The following MACROD2 variants were observed in gnomAD, a reference collection of about 807,000 sequenced individuals.
The protein encoded by MACROD2 is mono-ADP ribosylhydrolase 2, also known as ADP-ribose glycohydrolase MACROD2.
Under a neutral mutation model 70.4 loss-of-function variants are expected in MACROD2, and 36 were observed. That is an observed-to-expected ratio of 0.51 (90% CI 0.39 to 0.68). The LOEUF (loss-of-function observed/expected upper bound fraction) is 0.68, where lower values mean the gene tolerates loss of function less well. MACROD2 is among the 30% of genes least tolerant of loss of function. MACROD2 has a pLI of 0.00. For missense variants in MACROD2, 496 were observed against 538.4 expected, an observed-to-expected ratio of 0.92 and a Z score of 0.78; for synonymous variants, 172 against 178.8, an observed-to-expected ratio of 0.96 and a Z score of 0.30.
At chr20:15,071,148 T>C (rs1280050988) in intron 5 of MACROD2, among the ~76,000 whole-genome samples, 1 of 152,192 alleles carries the variant, frequency 6.6e-6, no homozygotes, top group Non-Finnish European at 1.5e-5. Context: ...GTGGAAGTTT[T>C]GTACAGTTGT....
At chr20:15,302,641 C>G (rs2077658294) in intron 6 of MACROD2, among the ~76,000 whole-genome samples, 1 of 152,030 alleles carries the variant, frequency 6.6e-6, no homozygotes, top group Non-Finnish European at 1.5e-5. Context: ...GGATAAATCC[C>G]CAGTTGGGGG....
chr20:15,809,623 C>A (rs879945540), intron 8 of MACROD2, among the ~76,000 whole-genome samples: 3 of 152,158 alleles, frequency 2.0e-5, no homozygotes, highest in Non-Finnish European at 2.9e-5. Flanking sequence ...CCAGTTGTTA[C>A]AATGAGAATG....
At chr20:15,718,754 AC>A (rs1413333971) in intron 8 of MACROD2, among the ~76,000 whole-genome samples, 3 of 152,204 alleles carry the variant, frequency 2.0e-5, no homozygotes, top group Non-Finnish European at 4.4e-5. Flanking sequence ...GGGAAGTTAT[AC>A]CCCCTAACGA....
chr20:15,907,576 T>C (rs1359139634), intron 10 of MACROD2, among the ~76,000 whole-genome samples: 1 of 152,258 alleles, frequency 6.6e-6, no homozygotes, highest in Non-Finnish European at 1.5e-5. Flanking sequence ...TGCCCTTGAA[T>C]TGTTTATGCA....
chr20:14,716,061 TATA>T (rs1488727335), intron 5 of MACROD2, among the ~76,000 whole-genome samples: 1 of 152,192 alleles, frequency 6.6e-6, no homozygotes, highest in Non-Finnish European at 1.5e-5. Flanking sequence ...TTCATGCAAT[TATA>T]ATTCTTTCTG....
chr20:14,518,144 T>C lies in MACROD2; in HGVS notation c.301+24636T>C, dbSNP rs973510347. On this transcript the variant is annotated intron_variant, in intron 4 of 17. Transcript: ENST00000684519. ...AAATAAAGATATTATACCTCCATTA[T>C]GAAATTAATTTTTACATGTTTTATA... 2.0e-5 allele frequency among the ~76,000 whole-genome samples: 3 copies of C among 152,260 alleles called. 1 individual carries two copies. In the South Asian group the frequency reaches 6.2e-4, roughly 32 times the overall value.
chr20:15,371,270 A>T (rs564829589), intron 6 of MACROD2, among the ~76,000 whole-genome samples: 3 of 152,256 alleles, frequency 2.0e-5, no homozygotes, highest in Admixed American at 6.5e-5. Context: ...TCAGTATAAG[A>T]TATTAAAATA....
At chr20:14,418,567 A>T (rs967318957) in intron 3 of MACROD2, among the ~76,000 whole-genome samples, 1 of 152,232 alleles carries the variant, frequency 6.6e-6, no homozygotes, top group Non-Finnish European at 1.5e-5. Context: ...CAACATTGTT[A>T]CTCAGTTCAT....
At position 14,389,908 on chromosome 20, in the gene MACROD2, T is replaced by A. The variant is rs141545633; in HGVS notation, c.272-103571T>A. On this transcript the variant is annotated intron_variant, in intron 3 of 17. Coordinates refer to ENST00000684519, the MANE Select transcript of MACROD2 (RefSeq NM_001351661.2). ...GTACTGGAAGTCCTGGCCAGGGCAA[T>A]CAGGCAAGAGAAAGAAAGGGCACCC... 7.2e-4 allele frequency among the ~76,000 whole-genome samples: 110 copies of A among 152,218 alleles called. 3 individuals carry two copies. The highest frequency in any genetic ancestry group is 4.2e-3 in the Admixed American group (64 of 15,284).
intron 4 of MACROD2, among the ~76,000 whole-genome samples, chr20:14,620,776 C>T (rs887103418): frequency 5.3e-5 from 8 of 152,036 alleles, no homozygotes; most frequent in African/African-American, 1.7e-4. Context: ...GACAGGATAT[C>T]GGAGAGCACA....
intron 8 of MACROD2, among the ~76,000 whole-genome samples, chr20:15,576,197 T>C (rs1347420049): frequency 6.6e-6 from 1 of 152,162 alleles, no homozygotes; most frequent in Non-Finnish European, 1.5e-5. Flanking sequence ...TGTAAATTAA[T>C]GTAACCACCA....
intron 3 of MACROD2, among the ~76,000 whole-genome samples, chr20:14,353,594 T>C (rs953804704): frequency 1.3e-5 from 2 of 152,142 alleles, no homozygotes; most frequent in African/African-American, 2.4e-5. Context: ...TAAAGAAAGC[T>C]ATCAATCACC....
intron 5 of MACROD2, chr20:15,021,544 A>G (rs1033944633): frequency 6.6e-6 from 1 of 151,418 alleles, no homozygotes; most frequent in African/African-American, 2.4e-5. Context: ...ATGTATATAT[A>G]TGTGTATTTT....
At chr20:15,646,499 A>G (rs1245768740) in intron 8 of MACROD2, among the ~76,000 whole-genome samples, 2 of 152,234 alleles carry the variant, frequency 1.3e-5, no homozygotes, top group Non-Finnish European at 2.9e-5. Flanking sequence ...CAAAAAGTCA[A>G]CTGAGGCTTG....
At chr20:15,363,732 A>G (rs2078379215) in intron 6 of MACROD2, among the ~76,000 whole-genome samples, 2 of 152,210 alleles carry the variant, frequency 1.3e-5, no homozygotes, top group African/African-American at 4.8e-5. Context: ...GGGAGCAACT[A>G]AAGCTCAAAT....
At chr20:15,697,900 G>T (rs948670587) in intron 8 of MACROD2, among the ~76,000 whole-genome samples, 5 of 152,138 alleles carry the variant, frequency 3.3e-5, no homozygotes, top group Non-Finnish European at 5.9e-5. Flanking sequence ...GTGTCCATTT[G>T]CATGAAATGC....
intron 3 of MACROD2, among the ~76,000 whole-genome samples, chr20:14,331,928 G>A (rs1199869772): frequency 3.9e-5 from 6 of 152,172 alleles, no homozygotes; most frequent in Admixed American, 2.0e-4. Context: ...CTTTCTGTCC[G>A]CCTAGGCTTG....
intron 3 of MACROD2, among the ~76,000 whole-genome samples, chr20:14,184,705 G>A (rs2081331289): frequency 6.6e-6 from 1 of 152,006 alleles, no homozygotes; most frequent in South Asian, 2.1e-4. Context: ...ATTTCTTTGA[G>A]CAGTGGTTTG....
intron 5 of MACROD2, among the ~76,000 whole-genome samples, chr20:15,195,538 C>T (rs752842636): frequency 1.3e-5 from 2 of 151,970 alleles, no homozygotes; most frequent in Non-Finnish European, 2.9e-5. Flanking sequence ...GAGATACCAT[C>T]TGATGCCAGT....
Sources: gnomAD v4.1 joint callset for allele counts (sites outside exome capture counted in the v4.1 genomes callset) on GRCh38, gnomAD v4.1.1 for gene constraint, MANE v1.5 for transcripts, NCBI Gene and HGNC (gene_info 2026-07-23, HGNC 2026-07-21) for gene names.